Variants in GRID2 observed in about 807,000 individuals in gnomAD.
The protein encoded by GRID2 is glutamate ionotropic receptor delta type subunit 2.
A neutral mutation model predicts 114.8 loss-of-function variants in GRID2; 33 were observed. The ratio of observed to expected loss-of-function variants is 0.29; its 90% CI spans 0.22 to 0.38. The LOEUF (loss-of-function observed/expected upper bound fraction) is 0.38. GRID2 is among the 10% of genes least tolerant of loss of function. The pLI, the probability that GRID2 is intolerant of heterozygous loss-of-function variation, is 1.00. For synonymous variants in GRID2, 505 were observed against 449.9 expected (o/e 1.12, Z -1.55); for missense variants, 1,184 against 1,257.7 (o/e 0.94, Z 0.89).
intron 8 of GRID2, among the ~76,000 whole-genome samples, chr4:93,259,916 A>C (rs1225581573): frequency 6.6e-6 from 1 of 151,794 alleles, no homozygotes; most frequent in Non-Finnish European, 1.5e-5. Flanking sequence ...AAGCACACTT[A>C]AATGAGTAAG....
At chr4:93,164,697 A>T (rs1002671319) in intron 4 of GRID2, 2 of 431,530 alleles carry the variant, frequency 4.6e-6, no homozygotes, top group Non-Finnish European at 9.5e-6. Context: ...GAGAAAAGTG[A>T]CAAAATATGC....
rs909108499 is a variant in GRID2 at position 93,057,158 on chromosome 4, G to GTTTC, written c.245-27836_245-27835insTTCT. 4.9e-5 allele frequency among the ~76,000 whole-genome samples: 6 copies of GTTTC among 121,950 alleles called. No individual in the cohort carries two copies. In the Admixed American group the frequency reaches 5.7e-4, roughly 12 times the overall value. The allele number at this position is 121,950 out of a possible 152,430, so 80.0% of individuals were successfully genotyped here. On this transcript the variant is annotated intron_variant, in intron 2 of 15. Transcript: ENST00000282020. ...GACTGAAGTGTGTGAGTGTGTATGT[G>GTTTC]TGTCTGTGTGTGTGTGTGTGTGTGT... is the stretch of plus-strand genomic sequence containing the variant.
intron 2 of GRID2, among the ~76,000 whole-genome samples, chr4:92,845,079 A>G (rs1490714933): frequency 1.3e-5 from 2 of 152,098 alleles, no homozygotes; most frequent in Non-Finnish European, 2.9e-5. Context: ...GACAAGGAGG[A>G]TAATAATATC....
chr4:93,417,550 C>G (rs1767843708), intron 9 of GRID2, among the ~76,000 whole-genome samples: 1 of 152,012 alleles, frequency 6.6e-6, no homozygotes, highest in African/African-American at 2.4e-5. Context: ...CTCCCCAGTG[C>G]ATCTTTCTGA....
intron 2 of GRID2, among the ~76,000 whole-genome samples, chr4:93,074,986 A>T (rs1447509978): frequency 6.6e-6 from 1 of 152,166 alleles, no homozygotes; most frequent in Non-Finnish European, 1.5e-5. Flanking sequence ...CTCTCTCACT[A>T]CTGAAACTCC....
At chr4:93,058,284 C>T (rs1442383087) in intron 2 of GRID2, among the ~76,000 whole-genome samples, 1 of 151,958 alleles carries the variant, frequency 6.6e-6, no homozygotes, top group Non-Finnish European at 1.5e-5. Flanking sequence ...TGAATATTTG[C>T]TGACCAGTAT....
chr4:93,589,973 G>C (rs1431987681), intron 13 of GRID2, among the ~76,000 whole-genome samples: 84 of 150,748 alleles, frequency 5.6e-4, no homozygotes, highest in South Asian at 4.4e-3. Context: ...AGATGAGTAG[G>C]TTGTGAAAAT....
intron 13 of GRID2, among the ~76,000 whole-genome samples, chr4:93,537,038 TA>T (rs201768842): frequency 4.0e-5 from 6 of 151,628 alleles, no homozygotes; most frequent in Non-Finnish European, 8.9e-5. Flanking sequence ...ACTCAATATC[TA>T]AAAAAATCCT....
intron 8 of GRID2, among the ~76,000 whole-genome samples, chr4:93,390,443 T>G (rs1579925118): frequency 6.6e-6 from 1 of 152,292 alleles, no homozygotes; most frequent in East Asian, 1.9e-4. Context: ...TCTAAACACT[T>G]AACATATTTT....
At chr4:92,462,818 A>G (rs959986407) in intron 1 of GRID2, among the ~76,000 whole-genome samples, 1 of 152,006 alleles carries the variant, frequency 6.6e-6, no homozygotes. Context: ...ATACAGGTAC[A>G]TGTGGCTACT....
At chr4:93,741,356 A>G (rs757567967) in intron 14 of GRID2, among the ~76,000 whole-genome samples, 19 of 151,752 alleles carry the variant, frequency 1.3e-4, no homozygotes, top group Non-Finnish European at 2.1e-4. Context: ...TTTAAAATAT[A>G]CTTACCCTTT....
chr4:93,666,758 C>T (rs939779106), intron 14 of GRID2, among the ~76,000 whole-genome samples: 20 of 151,970 alleles, frequency 1.3e-4, no homozygotes, highest in Admixed American at 6.6e-4. Flanking sequence ...AAAAATAAGA[C>T]TAAGTAGCTT....
At chr4:92,611,148 G>GTGTGTGTGTGCA (rs1729727733) in intron 2 of GRID2, among the ~76,000 whole-genome samples, 1 of 106,114 alleles carries the variant, frequency 9.4e-6, no homozygotes, top group African/African-American at 6.5e-5. Context: ...GTGTGTGCAT[G>GTGTGTGTGTGCA]TGTGTGTGTG....
intron 2 of GRID2, among the ~76,000 whole-genome samples, chr4:92,940,449 A>C (rs186901078): frequency 1.3e-5 from 2 of 151,536 alleles, no homozygotes; most frequent in African/African-American, 4.8e-5. Context: ...GTTGCTTATC[A>C]GCTTAAGGAG....
At chr4:93,220,472 C>T (rs1292765960) in intron 6 of GRID2, among the ~76,000 whole-genome samples, 2 of 152,080 alleles carry the variant, frequency 1.3e-5, no homozygotes, top group East Asian at 1.9e-4. Flanking sequence ...ATATTTAAGT[C>T]TCATTATTAC....
chr4:93,213,137 A>AT (rs1743763332), intron 5 of GRID2, among the ~76,000 whole-genome samples: 1 of 151,936 alleles, frequency 6.6e-6, no homozygotes, highest in Admixed American at 6.6e-5. Context: ...GATGTTTTTA[A>AT]TTTTTTCTAG....
chr4:92,491,555 GA>G (rs1405010801), intron 1 of GRID2, among the ~76,000 whole-genome samples: 6 of 152,068 alleles, frequency 3.9e-5, no homozygotes, highest in Admixed American at 2.0e-4. Flanking sequence ...CTTGCCATTT[GA>G]AATTAATGAT....
At chr4:93,419,135 C>T (rs570165963) in intron 9 of GRID2, among the ~76,000 whole-genome samples, 12 of 140,858 alleles carry the variant, frequency 8.5e-5, no homozygotes, top group Admixed American at 2.1e-4. Flanking sequence ...CTGTCAGTAC[C>T]AGTTATGGTG....
chr4:93,087,138 G>A (rs1730399248), intron 3 of GRID2, among the ~76,000 whole-genome samples: 5 of 151,828 alleles, frequency 3.3e-5, no homozygotes, highest in Admixed American at 2.0e-4. Context: ...GGGTTCAAGA[G>A]AGTCTTCTGC....
Sources: gnomAD v4.1 joint callset for allele counts (sites outside exome capture counted in the v4.1 genomes callset) on GRCh38, gnomAD v4.1.1 for gene constraint, MANE v1.5 for transcripts, NCBI Gene and HGNC (gene_info 2026-07-23, HGNC 2026-07-21) for gene names.